The following RYR3 variants were observed in gnomAD, a reference collection of about 807,000 sequenced individuals.
The protein encoded by RYR3 is ryanodine receptor 3, also known as brain ryanodine receptor-calcium release channel.
In RYR3, 207 loss-of-function variants were observed where a neutral mutation model predicts 584.3. The ratio of observed to expected loss-of-function variants is 0.35; its 90% confidence interval spans 0.32 to 0.40. The LOEUF (loss-of-function observed/expected upper bound fraction) is 0.40. RYR3 is among the 10% of genes least tolerant of loss of function. RYR3 has a pLI of 1.00. For missense variants in RYR3, 5,616 were observed against 6,089.2 expected, an observed-to-expected ratio of 0.92 and a Z score of 2.59; for synonymous variants, 2,416 against 2,248.5, an observed-to-expected ratio of 1.07 and a Z score of -2.11.
chr15:33,610,996 A>G (rs2060154984), intron 18 of RYR3, among the ~76,000 whole-genome samples: 1 of 152,194 alleles, frequency 6.6e-6, no homozygotes, highest in Admixed American at 6.5e-5. Context: ...AGGATGCTCA[A>G]CCTGAACTAG....
intron 71 of RYR3, 46 bp downstream of exon 71, chr15:33,810,695 C>A (rs576687505): frequency 6.2e-7 from 1 of 1,609,496 alleles, no homozygotes; most frequent in African/African-American, 1.3e-5. Context: ...CCACATGGTG[C>A]AGTGATAAGC....
At position 33,827,273 on chromosome 15, in the gene RYR3, C is replaced by T; in HGVS notation, c.11320C>T (p.Leu3774Phe). ...TGTCATCATCAGCACTGTGGACTAC[C>T]TTCTGCGTCTGCAGGTGAGTGGGAG... is the stretch of plus-strand genomic sequence containing the variant. ...VNVIISTVDY[L>F]LRLQESISDF... Residue 3774 changes from leucine (L) to phenylalanine (F), a missense_variant, in exon 85 of 104, where the codon CTT becomes TTT. Around this residue, in one of 9 missense-constraint regions of RYR3, gnomAD observed 954 missense variants for 1,132.2 expected, o/e 0.84. Transcript: ENST00000634891. 1 of 1,553,140 alleles carries T rather than the reference C, an allele frequency of 6.4e-7. No homozygotes were observed.
At chr15:33,487,301 A>C (rs2050530299) in intron 2 of RYR3, among the ~76,000 whole-genome samples, 1 of 152,048 alleles carries the variant, frequency 6.6e-6, no homozygotes, top group South Asian at 2.1e-4. Context: ...AGGTGAATGG[A>C]GGGTGAGAGA....
Position 33,630,057 on chromosome 15 carries a change from T to G in RYR3, c.2783+14T>G. The G allele has an allele frequency of 7.0e-7, 1 of 1,427,948 alleles. No individual in the cohort carries two copies. The highest frequency in any genetic ancestry group is 9.7e-7 in the Non-Finnish European group (1 of 1,028,640). 88.5% of individuals were successfully genotyped at this position (1,427,948 alleles called of 1,614,324 possible). A position where few individuals can be genotyped will look rare whatever the true frequency, so the allele number is the denominator to read the frequency against. Reference sequence around the variant, plus strand: ...TGAAACCTTAAAGTGAGTATTTAATTGAGCTGAAGTTTTACAAACAATGAA... The same window carrying G: ...TGAAACCTTAAAGTGAGTATTTAATGGAGCTGAAGTTTTACAAACAATGAA... On this transcript the variant is annotated intron_variant, in intron 22 of 103. Transcript: ENST00000634891.
intron 52 of RYR3, among the ~76,000 whole-genome samples, chr15:33,742,927 T>C (rs1473965205): frequency 2.0e-5 from 3 of 152,226 alleles, no homozygotes; most frequent in African/African-American, 7.2e-5. Context: ...AGACACTCCC[T>C]TATTAATAAG....
At position 33,820,793 on chromosome 15, in the gene RYR3, A is replaced by G. The variant is rs368923826; in HGVS notation, c.10796A>G (p.Asp3599Gly). The stretch of plus-strand genomic sequence containing the variant: ...GGTGAGGATGAAGAAGAAGATGAAG[A>G]CAAGGAAAAAACATTCGAAGTAAGT... The part of the protein sequence containing the change: ...QSGEDEEEDE[D>G]KEKTFEEKEM... Residue 3599 changes from aspartate (D) to glycine (G), a missense_variant, in exon 78 of 104, where the codon GAC becomes GGC. By Grantham distance (94) the Asp-to-Gly change is moderately conservative. This residue lies in a region of RYR3 where 954 missense variants were observed against 1,132.2 expected (regional missense o/e 0.84). Transcript: ENST00000634891. 7 of 1,602,336 alleles carry G rather than the reference A, an allele frequency of 4.4e-6. No homozygotes were observed. In the African/African-American group the frequency reaches 8.0e-5, roughly 18 times the overall value.
At chr15:33,717,189 A>G (rs2067559114) in intron 43 of RYR3, among the ~76,000 whole-genome samples, 1 of 152,152 alleles carries the variant, frequency 6.6e-6, no homozygotes, top group Non-Finnish European at 1.5e-5. Flanking sequence ...TTCCACGTAT[A>G]CACTGATGAT....
At position 33,355,397 on chromosome 15, in the gene RYR3, T is replaced by C. The variant is rs559101252; in HGVS notation, c.51+44301T>C. 3.3e-5 allele frequency among the ~76,000 whole-genome samples: 5 copies of C among 152,336 alleles called. No individual in the cohort carries two copies. The South Asian group carries it at 1.0e-3, about 32-fold the overall frequency. ...TATTTATTTAGCATCATATGGTACC[T>C]ATAGCATCACATAGCAGCCTTCCCA... On this transcript the variant is annotated intron_variant, in intron 1 of 103. Coordinates refer to ENST00000634891, the MANE Select transcript of RYR3 (RefSeq NM_001036.6).
intron 31 of RYR3, among the ~76,000 whole-genome samples, chr15:33,651,207 C>G (rs539114025): frequency 6.6e-6 from 1 of 152,134 alleles, no homozygotes; most frequent in Non-Finnish European, 1.5e-5. Flanking sequence ...ATACAAAATC[C>G]GTTTACAGAT....
At chr15:33,501,252 A>G (rs1471761593) in intron 2 of RYR3, among the ~76,000 whole-genome samples, 1 of 152,178 alleles carries the variant, frequency 6.6e-6, no homozygotes, top group African/African-American at 2.4e-5. Context: ...CCTATTATCT[A>G]TTAGTGCTTC....
Position 33,539,420 on chromosome 15 carries a change from C to T in RYR3, c.504C>T (p.Gly168=), listed in dbSNP as rs374516251. 4.4e-5 allele frequency: 70 copies of T among 1,602,050 alleles called. No homozygotes were observed. In the African/African-American group the frequency reaches 4.4e-4, roughly 10 times the overall value. ...QRSEGEKVRI[G]DDLILVSVSS... The stretch of plus-strand genomic sequence containing the variant: ...CCGAAGGAGAGAAAGTTCGAATTGG[C>T]GATGACCTCATCCTCGTCAGCGTGT... The change falls in exon 6 of 104, where the codon GGC becomes GGT. Residue 168 remains glycine (G), a synonymous_variant. Coordinates refer to ENST00000634891, the MANE Select transcript of RYR3 (RefSeq NM_001036.6).
chr15:33,593,600 C>T (rs190844128), intron 16 of RYR3, among the ~76,000 whole-genome samples: 12 of 152,164 alleles, frequency 7.9e-5, no homozygotes, highest in African/African-American at 2.4e-4. Context: ...TGTCTGGCTT[C>T]GGTACACAGG....
intron 48 of RYR3, among the ~76,000 whole-genome samples, chr15:33,733,669 A>G (rs1039843651): frequency 6.8e-6 from 1 of 147,056 alleles, no homozygotes; most frequent in South Asian, 2.1e-4. Flanking sequence ...GTATGTCATT[A>G]AATACTTGTC....
chr15:33,669,544 G>GAAGTT, intron 37 of RYR3, 88 bp downstream of exon 37: 1 of 1,147,144 alleles, frequency 8.7e-7, no homozygotes, highest in Non-Finnish European at 1.3e-6. Context: ...GGGAGGTTGG[G>GAAGTT]AAGTTATTTT....
chr15:33,655,915 C>T (rs2062801758), intron 32 of RYR3, among the ~76,000 whole-genome samples: 1 of 152,172 alleles, frequency 6.6e-6, no homozygotes, highest in African/African-American at 2.4e-5. Context: ...TCAGAAAGGA[C>T]TAGAAACCAA....
intron 3 of RYR3, among the ~76,000 whole-genome samples, chr15:33,529,569 A>G (rs1042488287): frequency 2.6e-5 from 4 of 152,090 alleles, no homozygotes; most frequent in African/African-American, 9.7e-5. Flanking sequence ...TGCTAGAATT[A>G]TCTTCATAAT....
intron 4 of RYR3, among the ~76,000 whole-genome samples, chr15:33,532,139 A>G (rs1328947669): frequency 3.3e-5 from 5 of 152,168 alleles, no homozygotes; most frequent in Admixed American, 1.3e-4. Flanking sequence ...CCTCTCGCAG[A>G]GAAGTAGAAC....
chr15:33,669,050 C>T (rs564812564), intron 36 of RYR3, among the ~76,000 whole-genome samples: 8 of 151,902 alleles, frequency 5.3e-5, no homozygotes, highest in Admixed American at 1.3e-4. Flanking sequence ...CCATTCTGTG[C>T]GTATACCTAC....
chr15:33,441,142 A>T (rs2046197773), intron 1 of RYR3, among the ~76,000 whole-genome samples: 2 of 152,250 alleles, frequency 1.3e-5, no homozygotes, highest in Admixed American at 6.5e-5. Flanking sequence ...CATTCTAGGC[A>T]GGCTGAAAAC....
Sources: gnomAD v4.1 joint callset for allele counts (sites outside exome capture counted in the v4.1 genomes callset) on GRCh38, gnomAD v4.1.1 for gene constraint, gnomAD v4.1.1 regional missense constraint, MANE v1.5 for transcripts, NCBI Gene and HGNC (gene_info 2026-07-23, HGNC 2026-07-21) for gene names.